The following MOCOS variants were observed in gnomAD, a reference collection of about 807,000 sequenced individuals.
MOCOS encodes molybdenum cofactor sulfurase, also known as human molybdenum cofactor sulfurase.
MOCOS carries 86 observed loss-of-function variants against 83.6 expected under a neutral mutation model. The ratio of observed to expected loss-of-function variants is 1.03; its 90% CI spans 0.86 to 1.23. MOCOS has a LOEUF of 1.23. Among genes scored for constraint, MOCOS ranks in the 50% most tolerant of loss-of-function variants. The pLI is 0.00. For missense variants in MOCOS, 1,120 were observed against 1,126.9 expected, an observed-to-expected ratio of 0.99 and a Z score of 0.09; for synonymous variants, 445 against 434.7, an observed-to-expected ratio of 1.02 and a Z score of -0.29.
rs375260430 is a variant in MOCOS at position 36,265,664 on chromosome 18, A to G, written c.2410-1085A>G. Reference sequence around the variant, plus strand: ...GGGATTTTAAGCTCCACCAGACAGTATGACCTGTATTAAGAAATTGTAACA... The same window carrying G: ...GGGATTTTAAGCTCCACCAGACAGTGTGACCTGTATTAAGAAATTGTAACA... On this transcript the variant is annotated intron_variant, in intron 13 of 14. Coordinates refer to ENST00000261326, the MANE Select transcript of MOCOS (RefSeq NM_017947.4). 1.2e-4 allele frequency among the ~76,000 whole-genome samples: 19 copies of G among 152,254 alleles called. No homozygotes were observed. In the East Asian group the frequency reaches 2.5e-3, roughly 20 times the overall value.
chr18:36,187,511 C>G lies in MOCOS; in HGVS notation c.-29C>G, dbSNP rs568059898. ...GCCGGCTTCGCGCACTTCCCGGGCC[C>G]GGCCGGCCTGGATGGACTAGCCGGG... On this transcript the variant is annotated 5_prime_UTR_variant, in exon 1 of 15. Transcript: ENST00000261326. 2.4e-6 allele frequency: 3 copies of G among 1,228,748 alleles called. No homozygotes were observed. The highest frequency in any genetic ancestry group is 3.1e-5 in the African/African-American group (2 of 64,154). The allele number at this position is 1,228,748 out of a possible 1,614,324, so 76.1% of individuals were successfully genotyped here.
chr18:36,235,686 A>G (rs2091555504), intron 9 of MOCOS, among the ~76,000 whole-genome samples: 1 of 151,692 alleles, frequency 6.6e-6, no homozygotes, highest in East Asian at 1.9e-4. Context: ...TTCTAGTTCT[A>G]GATCCTGAGG....
chr18:36,228,678 A>G (rs1429530629), intron 9 of MOCOS, among the ~76,000 whole-genome samples: 1 of 152,110 alleles, frequency 6.6e-6, no homozygotes, highest in African/African-American at 2.4e-5. Flanking sequence ...TGAGACCTAC[A>G]GGAGGGTGGA....
chr18:36,198,848 T>C lies in MOCOS; in HGVS notation c.299+92T>C, dbSNP rs2091400770. ...CCTGCATCCCACAAAAGTTCTGAGT[T>C]GGTTTCAGGAGGATCACAGTTGGCT... On this transcript the variant is annotated intron_variant, in intron 3 of 14. Coordinates refer to ENST00000261326, the MANE Select transcript of MOCOS (RefSeq NM_017947.4). 2.0e-5 allele frequency: 28 copies of C among 1,392,322 alleles called. 2 individuals are homozygous for C. The South Asian group carries it at 3.3e-4, about 16-fold the overall frequency. The allele number at this position is 1,392,322 out of a possible 1,614,324, so 86.2% of individuals were successfully genotyped here. A position where few individuals can be genotyped will look rare whatever the true frequency, so the allele number is the denominator to read the frequency against.
chr18:36,261,837 A>G (rs1216081614), intron 13 of MOCOS, among the ~76,000 whole-genome samples: 2 of 152,110 alleles, frequency 1.3e-5, no homozygotes, highest in Non-Finnish European at 2.9e-5. Flanking sequence ...AAAAATGCCT[A>G]CTGTTACACA....
At chr18:36,206,249 T>TC (rs2091434497) in intron 6 of MOCOS, among the ~76,000 whole-genome samples, 1 of 141,196 alleles carries the variant, frequency 7.1e-6, no homozygotes, top group African/African-American at 2.6e-5. Flanking sequence ...TCCAACTTTT[T>TC]TTTTTTTTTT....
rs1598876837 is a variant in MOCOS, at chr18:36,213,238, A to C, written c.1219-128A>C. ...CGTTTAACCTGTGATAAATCATTTT[A>C]GAGGACAATTCCAGGCTTGTATCAT... is the stretch of plus-strand genomic sequence containing the variant. On this transcript the variant is annotated intron_variant, in intron 6 of 14. Coordinates refer to ENST00000261326, the MANE Select transcript of MOCOS (RefSeq NM_017947.4). 7 of 771,664 alleles carry C rather than the reference A, an allele frequency of 9.1e-6. No individual in the cohort carries two copies. In the East Asian group the frequency reaches 1.8e-4, roughly 20 times the overall value. The allele number at this position is 771,664 out of a possible 1,614,324, so 47.8% of individuals were successfully genotyped here. A position where few individuals can be genotyped will look rare whatever the true frequency, so the allele number is the denominator to read the frequency against.
chr18:36,189,132 A>C (rs770953744), intron 1 of MOCOS, among the ~76,000 whole-genome samples: 2 of 150,820 alleles, frequency 1.3e-5, no homozygotes, highest in Non-Finnish European at 3.0e-5. Context: ...CTATTGGCCA[A>C]CCTCTCCCCT....
At position 36,220,215 on chromosome 18, in the gene MOCOS, A is replaced by C; in HGVS notation, c.1958A>C (p.Lys653Thr). The C allele has an allele frequency of 1.2e-6, 2 of 1,614,188 alleles. No homozygotes were observed. Among genetic ancestry groups the C allele is most frequent in the Non-Finnish European group, 1.7e-6 (2 of 1,180,034 alleles). The change falls in exon 9 of 15, where the codon AAA becomes ACA. Residue 653 changes from lysine to threonine, a missense_variant and splice_region_variant. Physicochemically the swap from Lys to Thr is moderately conservative, Grantham distance 78. Transcript: ENST00000261326. ...LRQRIMVIKA[K>T]GMEPIEVPLE... Reference sequence around the variant, plus strand: ...CAAAGGATCATGGTCATCAAAGCCAAAGGTGGGAAAACTGCTTCATTTTCA... The same window carrying C: ...CAAAGGATCATGGTCATCAAAGCCACAGGTGGGAAAACTGCTTCATTTTCA...
chr18:36,195,486 C>A, intron 2 of MOCOS, 140 bp downstream of exon 2: 1 of 770,972 alleles, frequency 1.3e-6, no homozygotes, highest in Non-Finnish European at 2.2e-6. Flanking sequence ...AGGGGCCAGG[C>A]AAGCACCCTG....
intron 9 of MOCOS, among the ~76,000 whole-genome samples, chr18:36,243,234 C>T (rs2144130904): frequency 6.6e-6 from 1 of 152,304 alleles, no homozygotes; most frequent in East Asian, 1.9e-4. Context: ...GACAGTTTGA[C>T]ATCCTCTTTA....
At chr18:36,214,733 G>C (rs910244935) in intron 7 of MOCOS, among the ~76,000 whole-genome samples, 5 of 152,080 alleles carry the variant, frequency 3.3e-5, no homozygotes, top group Non-Finnish European at 7.4e-5. Flanking sequence ...GAAGGAGAGG[G>C]AGGAGATAGG....
At chr18:36,239,855 A>C (rs2091574272) in intron 9 of MOCOS, among the ~76,000 whole-genome samples, 1 of 151,526 alleles carries the variant, frequency 6.6e-6, no homozygotes, top group Non-Finnish European at 1.5e-5. Flanking sequence ...TTTTTCTCTA[A>C]ATTTTCCTTC....
chr18:36,248,212 TA>T (rs892936061), intron 9 of MOCOS, among the ~76,000 whole-genome samples: 9 of 151,662 alleles, frequency 5.9e-5, no homozygotes, highest in Non-Finnish European at 1.0e-4. Flanking sequence ...TGTTGAACAT[TA>T]AAAAAAAATT....
At chr18:36,227,621 C>T (rs1228013402) in intron 9 of MOCOS, among the ~76,000 whole-genome samples, 1 of 152,142 alleles carries the variant, frequency 6.6e-6, no homozygotes, top group African/African-American at 2.4e-5. Context: ...GTCCTGAACT[C>T]CTAACCTCAG....
intron 13 of MOCOS, among the ~76,000 whole-genome samples, chr18:36,263,980 C>T (rs2144157144): frequency 6.6e-6 from 1 of 151,974 alleles, no homozygotes; most frequent in East Asian, 1.9e-4. Flanking sequence ...AGTTTGACAC[C>T]AGCCTGACCA....
chr18:36,259,978 T>C (rs1442402258), intron 12 of MOCOS, 59 bp from the exon 13 acceptor site: 3 of 1,600,722 alleles, frequency 1.9e-6, no homozygotes, highest in Non-Finnish European at 2.6e-6. Context: ...TGAATTATTA[T>C]AGTGGTACAA....
intron 9 of MOCOS, among the ~76,000 whole-genome samples, chr18:36,232,719 C>T (rs1459307419): frequency 1.3e-5 from 2 of 152,098 alleles, no homozygotes; most frequent in Non-Finnish European, 2.9e-5. Context: ...AAAAAATTCC[C>T]ACATATGAGT....
Position 36,213,553 on chromosome 18 carries a change from C to T in MOCOS, c.1335+71C>T, listed in dbSNP as rs989093039. ...GCAACACCTGTTGCTGCCTGTGTGTCTGGGGTGGGGGCTGCTGCTGCATAC... is the reference window on the plus strand; with the variant it reads ...GCAACACCTGTTGCTGCCTGTGTGTTTGGGGTGGGGGCTGCTGCTGCATAC... On this transcript the variant is annotated intron_variant, in intron 7 of 14. Coordinates refer to ENST00000261326, the MANE Select transcript of MOCOS (RefSeq NM_017947.4). 1.1e-5 allele frequency: 14 copies of T among 1,236,186 alleles called. No individual in the cohort carries two copies. In the African/African-American group the frequency reaches 1.3e-4, roughly 12 times the overall value. The allele number at this position is 1,236,186 out of a possible 1,614,324, so 76.6% of individuals were successfully genotyped here.
Sources: gnomAD v4.1 joint callset for allele counts (sites outside exome capture counted in the v4.1 genomes callset) on GRCh38, gnomAD v4.1.1 for gene constraint, MANE v1.5 for transcripts, NCBI Gene and HGNC (gene_info 2026-07-23, HGNC 2026-07-21) for gene names.